MAGI1: variants seen among roughly 807,000 people sequenced by gnomAD.
MAGI1 encodes membrane-associated guanylate kinase, WW and PDZ domain-containing protein 1.
In MAGI1, 58 loss-of-function variants were observed where a neutral mutation model predicts 139.9. That is an observed-to-expected ratio of 0.41 (90% CI 0.34 to 0.52). MAGI1 has a LOEUF of 0.52. MAGI1 is among the 20% of genes least tolerant of loss of function. The probability of loss-of-function intolerance (pLI) is 0.12; values close to 1 mark genes in which losing one functional copy is unlikely to be tolerated. For missense variants in MAGI1, 1,874 were observed against 1,901.6 expected (o/e 0.99, Z 0.27); for synonymous variants, 812 against 737.9 (o/e 1.10, Z -1.63).
intron 1 of MAGI1, among the ~76,000 whole-genome samples, chr3:65,695,073 C>T (rs2089030805): frequency 6.6e-6 from 1 of 151,978 alleles, no homozygotes; most frequent in Non-Finnish European, 1.5e-5. Flanking sequence ...GAAGAAGGTC[C>T]CCAAATTAAT....
At chr3:65,982,862 C>T (rs1245242875) in intron 1 of MAGI1, among the ~76,000 whole-genome samples, 1 of 152,118 alleles carries the variant, frequency 6.6e-6, no homozygotes, top group African/African-American at 2.4e-5. Flanking sequence ...TCCTGGCTTA[C>T]TTCAAAAAAT....
intron 1 of MAGI1, among the ~76,000 whole-genome samples, chr3:65,769,501 T>C (rs997161422): frequency 1.3e-5 from 2 of 151,888 alleles, no homozygotes; most frequent in Non-Finnish European, 2.9e-5. Flanking sequence ...AAATATAAAA[T>C]AAATAAAAAT....
At chr3:65,783,603 C>T (rs950369507) in intron 1 of MAGI1, among the ~76,000 whole-genome samples, 1 of 152,100 alleles carries the variant, frequency 6.6e-6, no homozygotes, top group African/African-American at 2.4e-5. Context: ...AAGCAATCCT[C>T]CCACCTCAGC....
chr3:65,848,356 A>T (rs946269560), intron 1 of MAGI1, among the ~76,000 whole-genome samples: 1 of 152,202 alleles, frequency 6.6e-6, no homozygotes, highest in African/African-American at 2.4e-5. Flanking sequence ...AGCAGGCTTA[A>T]TAAGAAGCTG....
intron 2 of MAGI1, among the ~76,000 whole-genome samples, chr3:65,519,857 ATT>A (rs1007760584): frequency 6.6e-6 from 1 of 152,172 alleles, no homozygotes; most frequent in African/African-American, 2.4e-5. Flanking sequence ...CCCCCTGTGT[ATT>A]TGTGTTGGCC....
At chr3:65,418,707 G>A (rs1191379609) in intron 12 of MAGI1, among the ~76,000 whole-genome samples, 2 of 152,066 alleles carry the variant, frequency 1.3e-5, no homozygotes, top group Non-Finnish European at 2.9e-5. Context: ...ACAAAACAAA[G>A]CCCTCTCCTT....
rs2063574899 is a variant in MAGI1 at position 65,947,020 on chromosome 3, A to G, written c.313+90976T>C. The stretch of plus-strand genomic sequence containing the variant: ...TATGAATTAATTTCAATTTACAGCT[A>G]AATGTCAAGGCAAATTTGTTTCTTT... On this transcript the variant is annotated intron_variant, in intron 1 of 22. Transcript: ENST00000402939. Among the ~76,000 whole-genome samples, 7 of 152,196 alleles carry G rather than the reference A, an allele frequency of 4.6e-5. No homozygotes were observed. The South Asian group carries it at 1.4e-3, about 31-fold the overall frequency.
chr3:66,038,200 C>T lies in MAGI1; in HGVS notation c.109G>A (p.Glu37Lys). ...CCGACGTACGGAAACTCCCCGTGCT[C>T]CGCGCCTCCCAGCACCGTCACCCCC... Reference protein sequence around the residue: ...ELGVTVLGGAEHGEFPYVGAV... With the variant: ...ELGVTVLGGAKHGEFPYVGAV... The change falls in exon 1 of 23, where the codon GAG becomes AAG. Residue 37 changes from glutamate (E) to lysine (K), a missense_variant. Physicochemically the swap from Glu to Lys is moderately conservative, Grantham distance 56. This residue lies in a region of MAGI1 where 648 missense variants were observed against 598.1 expected (regional missense o/e 1.08). Transcript: ENST00000402939. The T allele has an allele frequency of 6.2e-7, 1 of 1,612,342 alleles. No individual in the cohort carries two copies. The highest frequency in any genetic ancestry group is 8.5e-7 in the Non-Finnish European group (1 of 1,179,766).
At chr3:65,732,379 T>C (rs1281764453) in intron 1 of MAGI1, among the ~76,000 whole-genome samples, 15 of 152,266 alleles carry the variant, frequency 9.9e-5, no homozygotes, top group Admixed American at 9.8e-4. Context: ...TAGTGAAGAG[T>C]ACAACCTCAT....
intron 1 of MAGI1, among the ~76,000 whole-genome samples, chr3:65,662,466 G>A (rs1289536037): frequency 1.3e-5 from 2 of 152,220 alleles, no homozygotes; most frequent in East Asian, 1.9e-4. Flanking sequence ...AAATGGCCAT[G>A]GCCGCGTTCC....
In MAGI1 at chr3:65,493,757, G is replaced by A. The variant is rs186500202; in HGVS notation, c.431-126C>T. The A allele has an allele frequency of 6.6e-6, 7 of 1,066,292 alleles. No individual in the cohort carries two copies. In the African/African-American group the frequency reaches 9.5e-5, roughly 14 times the overall value. The allele number at this position is 1,066,292 out of a possible 1,614,324, so 66.1% of individuals were successfully genotyped here. A position where few individuals can be genotyped will look rare whatever the true frequency, so the allele number is the denominator to read the frequency against. Reference sequence around the variant, plus strand: ...TACCTAAGACTCTGCTGCCTCATCTGTCCAGACAGGGACACAGTAAAGGCA... The same window carrying A: ...TACCTAAGACTCTGCTGCCTCATCTATCCAGACAGGGACACAGTAAAGGCA... On this transcript the variant is annotated intron_variant, in intron 2 of 22. Transcript: ENST00000402939.
In MAGI1 at chr3:65,601,439, C is replaced by A. The variant is rs149245516; in HGVS notation, c.430+20533G>T. ...ATGCCCACACAGAAGGAAATTATAG[C>A]CTTAAATGCATTTATTAGAGAATAA... On this transcript the variant is annotated intron_variant, in intron 2 of 22. Transcript: ENST00000402939. 7.5e-3 allele frequency among the ~76,000 whole-genome samples: 1,134 copies of A among 151,978 alleles called. 8 individuals are homozygous for A. Among genetic ancestry groups the A allele is most frequent in the Admixed American group, 0.011 (164 of 15,270 alleles).
At chr3:65,721,759 T>C (rs780676763) in intron 1 of MAGI1, among the ~76,000 whole-genome samples, 4 of 152,276 alleles carry the variant, frequency 2.6e-5, no homozygotes, top group South Asian at 4.2e-4. Context: ...TGAACACTTA[T>C]GGAATTAAAT....
At chr3:65,814,200 C>T (rs1240051499) in intron 1 of MAGI1, among the ~76,000 whole-genome samples, 1 of 152,050 alleles carries the variant, frequency 6.6e-6, no homozygotes, top group East Asian at 1.9e-4. Context: ...TGTCTCATCA[C>T]TAATAAACTC....
rs79051417 is a variant in MAGI1, at chr3:65,535,878, A to G, written c.431-42247T>C. On this transcript the variant is annotated intron_variant, in intron 2 of 22. Coordinates refer to ENST00000402939, the MANE Select transcript of MAGI1 (RefSeq NM_001033057.2). Reference sequence around the variant, plus strand: ...TTCATTGCTGTTTCTTTGGTTAAACAGCAGCTGAGGAAGCTGGCTTGAGTT... The same window carrying G: ...TTCATTGCTGTTTCTTTGGTTAAACGGCAGCTGAGGAAGCTGGCTTGAGTT... Among the ~76,000 whole-genome samples, 49 of 152,354 alleles carry G rather than the reference A, an allele frequency of 3.2e-4. 1 individual carries two copies. In the East Asian group the frequency reaches 9.1e-3, roughly 28 times the overall value.
intron 2 of MAGI1, among the ~76,000 whole-genome samples, chr3:65,552,280 G>A (rs1364063332): frequency 2.6e-5 from 4 of 151,920 alleles, no homozygotes; most frequent in Non-Finnish European, 4.4e-5. Context: ...GTGTGTGTGT[G>A]TGTGTGTGTC....
chr3:65,981,894 G>A (rs2065600857), intron 1 of MAGI1, among the ~76,000 whole-genome samples: 1 of 152,132 alleles, frequency 6.6e-6, no homozygotes, highest in Non-Finnish European at 1.5e-5. Flanking sequence ...CCTAGTCTCA[G>A]GTATGTCCTT....
intron 4 of MAGI1, among the ~76,000 whole-genome samples, chr3:65,472,189 A>G (rs1300531459): frequency 2.0e-5 from 3 of 152,172 alleles, no homozygotes; most frequent in Non-Finnish European, 4.4e-5. Context: ...AGAAATTACT[A>G]ATCAATAACA....
At chr3:65,474,034 G>A (rs1950716281) in intron 4 of MAGI1, among the ~76,000 whole-genome samples, 1 of 152,196 alleles carries the variant, frequency 6.6e-6, no homozygotes, top group African/African-American at 2.4e-5. Flanking sequence ...AGGAGGCTGA[G>A]GAAGGAGGAG....
Sources: gnomAD v4.1 joint callset for allele counts (sites outside exome capture counted in the v4.1 genomes callset) on GRCh38, gnomAD v4.1.1 for gene constraint, gnomAD v4.1.1 regional missense constraint, MANE v1.5 for transcripts, NCBI Gene and HGNC (gene_info 2026-07-23, HGNC 2026-07-21) for gene names.